The following ATRNL1 variants were observed in gnomAD, a reference collection of about 807,000 sequenced individuals.
The protein encoded by ATRNL1 is attractin-like protein 1.
A neutral mutation model predicts 182.7 loss-of-function variants in ATRNL1; 95 were observed. The observed-to-expected ratio is 0.52, with a 90% CI of 0.44 to 0.62. The LOEUF (loss-of-function observed/expected upper bound fraction) is 0.62. Ranked by LOEUF, ATRNL1 falls within the 20% of genes least tolerant of loss-of-function variation. The probability of loss-of-function intolerance (pLI) is 0.00; values close to 1 mark genes in which losing one functional copy is unlikely to be tolerated. For synonymous variants in ATRNL1, 576 were observed against 568.3 expected (o/e 1.01, Z -0.19); for missense variants, 1,471 against 1,679.5 (o/e 0.88, Z 2.17).
chr10:115,925,722 A>G (rs1454469942), intron 28 of ATRNL1, among the ~76,000 whole-genome samples: 2 of 152,212 alleles, frequency 1.3e-5, no homozygotes, highest in African/African-American at 4.8e-5. Context: ...TAACTATTCT[A>G]AGTATACACG....
intron 28 of ATRNL1, among the ~76,000 whole-genome samples, chr10:115,871,213 G>A (rs534877864): frequency 2.6e-5 from 4 of 151,912 alleles, no homozygotes; most frequent in Admixed American, 1.3e-4. Flanking sequence ...AGGACCATTA[G>A]CATTACCACC....
chr10:115,187,121 T>C (rs1193000690), intron 8 of ATRNL1, among the ~76,000 whole-genome samples: 6 of 151,732 alleles, frequency 4.0e-5, no homozygotes, highest in Non-Finnish European at 7.4e-5. Context: ...AGATAACAAG[T>C]ATTGGTGAGG....
chr10:115,907,252 G>A (rs1482736907), intron 28 of ATRNL1, among the ~76,000 whole-genome samples: 1 of 152,228 alleles, frequency 6.6e-6, no homozygotes, highest in Non-Finnish European at 1.5e-5. Flanking sequence ...AAAGGAAGCT[G>A]CGGTAGCAAG....
At chr10:115,904,480 G>A (rs1350107968) in intron 28 of ATRNL1, among the ~76,000 whole-genome samples, 2 of 152,148 alleles carry the variant, frequency 1.3e-5, no homozygotes, top group Non-Finnish European at 2.9e-5. Context: ...ATGCTGCTTT[G>A]GCAGTCACCA....
intron 13 of ATRNL1, among the ~76,000 whole-genome samples, chr10:115,278,947 A>G (rs1852226265): frequency 6.6e-6 from 1 of 152,112 alleles, no homozygotes; most frequent in Non-Finnish European, 1.5e-5. Flanking sequence ...ATACACCTGT[A>G]ATCCCAGCAC....
chr10:115,196,322 A>C (rs954972804), intron 8 of ATRNL1, among the ~76,000 whole-genome samples: 2 of 152,176 alleles, frequency 1.3e-5, no homozygotes, highest in African/African-American at 4.8e-5. Flanking sequence ...TGGTTATTCT[A>C]GTATCACACT....
At chr10:115,699,146 G>A (rs1245339311) in intron 26 of ATRNL1, among the ~76,000 whole-genome samples, 2 of 152,018 alleles carry the variant, frequency 1.3e-5, no homozygotes, top group Non-Finnish European at 2.9e-5. Flanking sequence ...GAGAGGAATA[G>A]CTACTTTATG....
intron 24 of ATRNL1, among the ~76,000 whole-genome samples, chr10:115,508,806 G>T (rs1850243390): frequency 6.6e-6 from 1 of 152,068 alleles, no homozygotes; most frequent in Admixed American, 6.6e-5. Context: ...AGTGCGAGGT[G>T]AAGCAGTAAG....
intron 5 of ATRNL1, among the ~76,000 whole-genome samples, chr10:115,133,158 A>G (rs1317835010): frequency 2.0e-5 from 3 of 152,202 alleles, no homozygotes; most frequent in African/African-American, 7.2e-5. Context: ...ATGGCTAGCC[A>G]GTTTTCCCAG....
At chr10:115,432,831 A>G (rs1324271316) in intron 21 of ATRNL1, among the ~76,000 whole-genome samples, 1 of 152,016 alleles carries the variant, frequency 6.6e-6, no homozygotes, top group African/African-American at 2.4e-5. Context: ...TTTTTTCTTA[A>G]ATGCTTTCTT....
intron 9 of ATRNL1, among the ~76,000 whole-genome samples, chr10:115,234,118 C>T (rs1173154588): frequency 6.6e-6 from 1 of 151,866 alleles, no homozygotes; most frequent in Non-Finnish European, 1.5e-5. Context: ...ATGTTTTCTT[C>T]AGGGTGTAGA....
rs532656767 is a variant in ATRNL1, at chr10:115,911,539, G to A, written c.4019-33119G>A. Among the ~76,000 whole-genome samples, 211 of 152,130 alleles carry A rather than the reference G, an allele frequency of 1.4e-3. 3 individuals are homozygous for A. The highest frequency in any genetic ancestry group is 1.7e-3 in the Non-Finnish European group (119 of 68,006). ...TCACCATGTTGGACAGGCTGGTCCC[G>A]AACTCCTCAGGTGGTCCACCCACCT... is the stretch of plus-strand genomic sequence containing the variant. On this transcript the variant is annotated intron_variant, in intron 28 of 28. Transcript: ENST00000355044.
intron 3 of ATRNL1, 96 bp from the exon 4 acceptor site, chr10:115,127,497 T>G: frequency 9.8e-7 from 1 of 1,023,546 alleles, no homozygotes; most frequent in Non-Finnish European, 1.4e-6. Context: ...GTACAAGCAT[T>G]ACTGATCCTG....
At chr10:115,773,922 A>C (rs1428011043) in intron 27 of ATRNL1, among the ~76,000 whole-genome samples, 1 of 152,126 alleles carries the variant, frequency 6.6e-6, no homozygotes, top group African/African-American at 2.4e-5. Flanking sequence ...CTTCTATGGG[A>C]AAGTATAGGA....
chr10:115,825,847 A>G (rs1465857997), intron 27 of ATRNL1, among the ~76,000 whole-genome samples: 1 of 152,146 alleles, frequency 6.6e-6, no homozygotes, highest in Non-Finnish European at 1.5e-5. Context: ...TGTATAGCCT[A>G]TGTATCGTTG....
At chr10:115,710,142 AC>A (rs1251991046) in intron 26 of ATRNL1, among the ~76,000 whole-genome samples, 1 of 151,650 alleles carries the variant, frequency 6.6e-6, no homozygotes, top group African/African-American at 2.4e-5. Context: ...TAAAAAAAAA[AC>A]AATAAAATAA....
At chr10:115,822,597 A>C (rs1396154273) in intron 27 of ATRNL1, among the ~76,000 whole-genome samples, 1 of 152,192 alleles carries the variant, frequency 6.6e-6, no homozygotes, top group Non-Finnish European at 1.5e-5. Context: ...GATAAAGGAA[A>C]TATCACCACT....
chr10:115,753,840 G>T (rs138078923), intron 27 of ATRNL1, among the ~76,000 whole-genome samples: 24,291 of 152,082 alleles, frequency 0.16, 2,227 homozygotes, highest in Non-Finnish European at 0.2. Context: ...AGCATCTGTT[G>T]TTTCCTGACT....
chr10:115,711,265 T>A (rs1290390056), intron 26 of ATRNL1, among the ~76,000 whole-genome samples: 2 of 152,140 alleles, frequency 1.3e-5, no homozygotes, highest in Non-Finnish European at 2.9e-5. Flanking sequence ...GATAATACAT[T>A]AAGGTATGCT....
Sources: gnomAD v4.1 joint callset for allele counts (sites outside exome capture counted in the v4.1 genomes callset) on GRCh38, gnomAD v4.1.1 for gene constraint, MANE v1.5 for transcripts, NCBI Gene and HGNC (gene_info 2026-07-23, HGNC 2026-07-21) for gene names.